OR10G4: variants seen among roughly 807,000 people sequenced by gnomAD.
OR10G4 encodes the protein olfactory receptor 10G4.
For missense variants in OR10G4, 318 were observed against 388.8 expected (o/e 0.82, Z 1.53); for synonymous variants, 130 against 159.3 (o/e 0.82, Z 1.39).
Position 124,016,348 on chromosome 11 carries a change from T to G in OR10G4, c.774T>G (p.Tyr258Ter). ...LCFFVPCVVI[Y>*]LRPGSMDAMD... is the part of the protein sequence containing the mutation. ...TCTTTGTTCCCTGTGTTGTCATTTATCTGAGGCCAGGCTCCATGGATGCCA... is the reference window on the plus strand; with the variant it reads ...TCTTTGTTCCCTGTGTTGTCATTTAGCTGAGGCCAGGCTCCATGGATGCCA... Residue 258 changes from tyrosine to a stop codon, truncating the protein, a stop_gained, in exon 2 of 2, where the codon TAT becomes TAG. Transcript: ENST00000641722. LOFTEE classifies it low-confidence loss of function (END_TRUNC). The G allele has an allele frequency of 6.2e-7, 1 of 1,614,208 alleles. No homozygotes were observed. The highest frequency in any genetic ancestry group is 8.5e-7 in the Non-Finnish European group (1 of 1,180,026).
intron 1 of OR10G4, chr11:124,014,793 G>A (rs1285467977): frequency 6.6e-6 from 1 of 152,082 alleles, no homozygotes; most frequent in Non-Finnish European, 1.5e-5. Flanking sequence ...GAATATGGTA[G>A]GTGGAATCCC....
rs201358968 is a variant in OR10G4 at position 124,016,410 on chromosome 11, C to T, written c.836C>T (p.Thr279Met). The T allele has an allele frequency of 1.9e-4, 314 of 1,614,164 alleles. No homozygotes were observed. The highest frequency in any genetic ancestry group is 2.9e-4 in the East Asian group (13 of 44,878). ...GTGGCCATTTTCTACACTGTGCTGACGCCCCTTCTCAACCCTGTTGTGTAC... is the reference window on the plus strand; with the variant it reads ...GTGGCCATTTTCTACACTGTGCTGATGCCCCTTCTCAACCCTGTTGTGTAC... ...GVVAIFYTVL[T>M]PLLNPVVYTL... Residue 279 changes from threonine (T) to methionine (M), a missense_variant, in exon 2 of 2, where the codon ACG becomes ATG. By Grantham distance (81) the Thr-to-Met change is moderately conservative (BLOSUM62 -1). Transcript: ENST00000641722.
Position 124,016,693 on chromosome 11 carries a change from T to C in OR10G4, c.*183T>C, listed in dbSNP as rs550689236. ...CTCACAGCTAGACTTATATTTATGA[T>C]GAACATGATTATATTCTGAATTATT... On this transcript the variant is annotated 3_prime_UTR_variant, in exon 2 of 2. Transcript: ENST00000641722. The C allele has an allele frequency of 6.3e-6, 3 of 473,276 alleles. No homozygotes were observed. Among genetic ancestry groups the C allele is most frequent in the African/African-American group, 5.8e-5 (3 of 51,514 alleles). The allele number at this position is 473,276 out of a possible 1,614,324, so 29.3% of individuals were successfully genotyped here. A position where few individuals can be genotyped will look rare whatever the true frequency, so the allele number is the denominator to read the frequency against.
At chr11:124,015,371 ATG>A in intron 1 of OR10G4, 175 bp from the exon 2 acceptor site, 1 of 641,350 alleles carries the variant, frequency 1.6e-6, no homozygotes, top group Non-Finnish European at 2.7e-6. Context: ...ACCTGTGTGC[ATG>A]TGTGTGAGAG....
chr11:124,018,213 T>C lies in OR10G4; in HGVS notation c.*1703T>C, dbSNP rs550851080. 2.0e-5 allele frequency: 3 copies of C among 152,300 alleles called. No individual in the cohort carries two copies. The allele number at this position is 152,300 out of a possible 1,614,324, so 9.4% of individuals were successfully genotyped here. On this transcript the variant is annotated 3_prime_UTR_variant, in exon 2 of 2. Coordinates refer to ENST00000641722, the MANE Select transcript of OR10G4 (RefSeq NM_001004462.2). ...AATACTTTTTTAAATTTATTTTTTATTATTATACTTTAAGTTCTGGCATAC... is the reference window on the plus strand; with the variant it reads ...AATACTTTTTTAAATTTATTTTTTACTATTATACTTTAAGTTCTGGCATAC...
Position 124,018,209 on chromosome 11 carries a change from T to A in OR10G4, c.*1699T>A, listed in dbSNP as rs532673591. ...TTAAAATACTTTTTTAAATTTATTT[T>A]TTATTATTATACTTTAAGTTCTGGC... On this transcript the variant is annotated 3_prime_UTR_variant, in exon 2 of 2. Transcript: ENST00000641722. 2.5e-4 allele frequency: 38 copies of A among 152,336 alleles called. No individual in the cohort carries two copies. The highest frequency in any genetic ancestry group is 6.5e-4 in the African/African-American group (27 of 41,582). 9.4% of individuals were successfully genotyped at this position (152,336 alleles called of 1,614,324 possible).
chr11:124,015,835 C>T lies in OR10G4; in HGVS notation c.261C>T (p.Ser87=), dbSNP rs529332605. 24 of 1,609,562 alleles carry T rather than the reference C, an allele frequency of 1.5e-5. No individual in the cohort carries two copies. Among genetic ancestry groups the T allele is most frequent in the Admixed American group, 3.3e-5 (2 of 59,828 alleles). Residue 87 remains serine (S), a synonymous_variant, in exon 2 of 2, where the codon AGC becomes AGT. Coordinates refer to ENST00000641722, the MANE Select transcript of OR10G4 (RefSeq NM_001004462.2). ...TGCTGATGACCTTGGTGTCCCCAAG[C>T]GGCAGGGCTATCTCCTTCCACAGCT... ...PKMLMTLVSP[S]GRAISFHSCV...
chr11:124,015,691 G>A lies in OR10G4; in HGVS notation c.117G>A (p.Gly39=). 1.9e-6 allele frequency: 3 copies of A among 1,610,276 alleles called. No individual in the cohort carries two copies. Among genetic ancestry groups the A allele is most frequent in the Non-Finnish European group, 2.5e-6 (3 of 1,177,436 alleles). Residue 39 remains glycine, a synonymous_variant, in exon 2 of 2, where the codon GGG becomes GGA. Coordinates refer to ENST00000641722, the MANE Select transcript of OR10G4 (RefSeq NM_001004462.2). ...FLVVYVLTVL[G]NLLILLVIRV... is the part of the protein sequence containing the mutation. The stretch of plus-strand genomic sequence containing the variant: ...TGGTTTACGTGCTCACTGTGCTGGG[G>A]AACCTCCTCATCCTGCTGGTGATCA...
Position 124,012,998 on chromosome 11 carries a change from C to T in OR10G4, c.-142C>T, listed in dbSNP as rs894064492. ...ACCACTCTTTCTCAACACTGTGCAC[C>T]GGTTGTTTGAGTGATATCTTGCAAA... On this transcript the variant is annotated 5_prime_UTR_variant, in exon 1 of 2. Coordinates refer to ENST00000641722, the MANE Select transcript of OR10G4 (RefSeq NM_001004462.2). 6 of 152,066 alleles carry T rather than the reference C, an allele frequency of 3.9e-5. No individual in the cohort carries two copies. The highest frequency in any genetic ancestry group is 5.9e-5 in the Non-Finnish European group (4 of 68,024). 9.4% of individuals were successfully genotyped at this position (152,066 alleles called of 1,614,324 possible). A position where few individuals can be genotyped will look rare whatever the true frequency, so the allele number is the denominator to read the frequency against.
At chr11:124,014,596 C>T (rs73028904) in intron 1 of OR10G4, among the ~76,000 whole-genome samples, 13,290 of 152,134 alleles carry the variant, frequency 0.087, 860 homozygotes, top group African/African-American at 0.18. Flanking sequence ...AATGCATGTA[C>T]GTATATATAC....
chr11:124,016,682 T>A lies in OR10G4; in HGVS notation c.*172T>A, dbSNP rs978437268. On this transcript the variant is annotated 3_prime_UTR_variant, in exon 2 of 2. Transcript: ENST00000641722. ...ACAGTTTTAACCTCACAGCTAGACT[T>A]ATATTTATGATGAACATGATTATAT... 10 of 493,382 alleles carry A rather than the reference T, an allele frequency of 2.0e-5. No homozygotes were observed. Among genetic ancestry groups the A allele is most frequent in the South Asian group, 5.0e-5 (1 of 19,810 alleles). 30.6% of individuals were successfully genotyped at this position (493,382 alleles called of 1,614,324 possible). A position where few individuals can be genotyped will look rare whatever the true frequency, so the allele number is the denominator to read the frequency against.
At position 124,016,267 on chromosome 11, in the gene OR10G4, T is replaced by C. The variant is rs144615790; in HGVS notation, c.693T>C (p.Asp231=). ...CCATCCTGCGGATCCGCACCTCAGATGGGAGGCGCAGAGCCTTTCAGACCT... is the reference window on the plus strand; with the variant it reads ...CCATCCTGCGGATCCGCACCTCAGACGGGAGGCGCAGAGCCTTTCAGACCT... ...VCSILRIRTS[D]GRRRAFQTCA... Residue 231 remains aspartate (D), a synonymous_variant, in exon 2 of 2, where the codon GAT becomes GAC. Transcript: ENST00000641722. 1.2e-6 allele frequency: 2 copies of C among 1,614,178 alleles called. No individual in the cohort carries two copies. The highest frequency in any genetic ancestry group is 2.2e-5 in the South Asian group (2 of 91,074).
chr11:124,016,477 T>G lies in OR10G4; in HGVS notation c.903T>G (p.Leu301=), dbSNP rs4936882. The part of the protein sequence containing the change: ...NKEVKKAVLK[L]RDKVAHPQRK ...AGGTGAAGAAAGCTGTGTTGAAACT[T>G]AGAGACAAAGTAGCACATCCTCAGA... is the stretch of plus-strand genomic sequence containing the variant. The change falls in exon 2 of 2, where the codon CTT becomes CTG. Residue 301 remains leucine (L), a synonymous_variant. Coordinates refer to ENST00000641722, the MANE Select transcript of OR10G4 (RefSeq NM_001004462.2). The G allele has an allele frequency of 0.75, 1,197,511 of 1,601,024 alleles. 450,873 individuals are homozygous for G. The highest frequency in any genetic ancestry group is 0.83 in the Admixed American group (48,095 of 57,884).
At position 124,018,603 on chromosome 11, in the gene OR10G4, G is replaced by C. The variant is rs1864040859; in HGVS notation, c.*2093G>C. 2 of 152,064 alleles carry C rather than the reference G, an allele frequency of 1.3e-5. No individual in the cohort carries two copies. Among genetic ancestry groups the C allele is most frequent in the South Asian group, 4.2e-4 (2 of 4,800 alleles). The allele number at this position is 152,064 out of a possible 1,614,324, so 9.4% of individuals were successfully genotyped here. A position where few individuals can be genotyped will look rare whatever the true frequency, so the allele number is the denominator to read the frequency against. On this transcript the variant is annotated 3_prime_UTR_variant, in exon 2 of 2. Coordinates refer to ENST00000641722, the MANE Select transcript of OR10G4 (RefSeq NM_001004462.2). ...CATTTTCTTTATCCAGTCTATCATT[G>C]ATGGACATTTGGGTGGGTTCCAAGT...
chr11:124,016,211 A>T lies in OR10G4; in HGVS notation c.637A>T (p.Ile213Leu), dbSNP rs746616454. 1.2e-6 allele frequency: 2 copies of T among 1,614,212 alleles called. No individual in the cohort carries two copies. The highest frequency in any genetic ancestry group is 1.7e-6 in the Non-Finnish European group (2 of 1,180,036). ...AGTGGCCTCAGGCTGCTTTGTCCTG[A>T]TAGTGCTGTCCTATGTGTCCATCGT... ...GIVASGCFVL[I>L]VLSYVSIVCS... Residue 213 changes from isoleucine (I) to leucine (L), a missense_variant, in exon 2 of 2, where the codon ATA (isoleucine) becomes TTA (leucine). Transcript: ENST00000641722.
Position 124,016,252 on chromosome 11 carries a change from G to A in OR10G4, c.678G>A (p.Arg226=), listed in dbSNP as rs768745227. The change falls in exon 2 of 2, where the codon CGG becomes CGA. Residue 226 remains arginine, a synonymous_variant. Coordinates refer to ENST00000641722, the MANE Select transcript of OR10G4 (RefSeq NM_001004462.2). The part of the protein sequence containing the change: ...SYVSIVCSIL[R]IRTSDGRRRA... ...TGTCCATCGTCTGTTCCATCCTGCGGATCCGCACCTCAGATGGGAGGCGCA... is the reference window on the plus strand; with the variant it reads ...TGTCCATCGTCTGTTCCATCCTGCGAATCCGCACCTCAGATGGGAGGCGCA... 2 of 1,614,228 alleles carry A rather than the reference G, an allele frequency of 1.2e-6. No individual in the cohort carries two copies. Among genetic ancestry groups the A allele is most frequent in the Non-Finnish European group, 1.7e-6 (2 of 1,180,036 alleles).
At chr11:124,014,759 C>A (rs1864000462) in intron 1 of OR10G4, among the ~76,000 whole-genome samples, 1 of 152,012 alleles carries the variant, frequency 6.6e-6, no homozygotes, top group Non-Finnish European at 1.5e-5. Flanking sequence ...TTTAAGTTTT[C>A]CCATGAACTC....
chr11:124,013,948 C>A (rs776812409), intron 1 of OR10G4, among the ~76,000 whole-genome samples: 2 of 151,958 alleles, frequency 1.3e-5, no homozygotes, highest in African/African-American at 4.8e-5. Flanking sequence ...TTATCTCTAA[C>A]GAAGCCAATA....
intron 1 of OR10G4, among the ~76,000 whole-genome samples, chr11:124,013,913 G>A (rs989270853): frequency 3.9e-5 from 6 of 152,106 alleles, no homozygotes; most frequent in Non-Finnish European, 8.8e-5. Flanking sequence ...ATGTGGAGGA[G>A]GGGAAGATCA....
Sources: allele counts gnomAD v4.1 joint callset (sites outside exome capture counted in the v4.1 genomes callset), GRCh38; gene constraint gnomAD v4.1.1; transcripts MANE v1.5; gene names NCBI Gene and HGNC (gene_info 2026-07-23, HGNC 2026-07-21).